The following MARK2 variants were observed in gnomAD, a reference collection of about 807,000 sequenced individuals.
The protein encoded by MARK2 is microtubule affinity regulating kinase 2, also known as serine/threonine-protein kinase MARK2.
In MARK2, 16 loss-of-function variants were observed where a neutral mutation model predicts 89.8. That is an observed-to-expected ratio of 0.18 (90% confidence interval 0.12 to 0.27). The LOEUF (loss-of-function observed/expected upper bound fraction) is 0.27, where lower values mean the gene tolerates loss of function less well. MARK2 is among the 10% of genes least tolerant of loss of function. The pLI is 1.00. For synonymous variants in MARK2, 382 were observed against 399.5 expected, an observed-to-expected ratio of 0.96 and a Z score of 0.52; for missense variants, 621 against 1,049.9, an observed-to-expected ratio of 0.59 and a Z score of 5.65.
At position 63,909,234 on chromosome 11, in the gene MARK2, T is replaced by C. The variant is rs752125871; in HGVS notation, c.2364T>C (p.Leu788=). 6.3e-7 allele frequency: 1 copy of C among 1,584,462 alleles called. No individual in the cohort carries two copies. The highest frequency in any genetic ancestry group is 8.6e-7 in the Non-Finnish European group (1 of 1,156,788). The change falls in exon 19 of 19, where the codon CTT becomes CTC. Residue 788 remains leucine (L), a synonymous_variant. Transcript: ENST00000402010. The part of the protein sequence containing the change: ...IASKIANELK[L] ...CCAAAATAGCCAACGAGCTGAAGCTTTAACAGGCTGCCAGGAGCGGGGGCG... is the reference window on the plus strand; with the variant it reads ...CCAAAATAGCCAACGAGCTGAAGCTCTAACAGGCTGCCAGGAGCGGGGGCG...
At position 63,900,754 on chromosome 11, in the gene MARK2, C is replaced by CTTT; in HGVS notation, c.889-26_889-25insTTT. ...TTTCCAGCTGAGTTTCTTCCCCCTGCCCTTTTCCTTCTCTGTGCTCCCCAG... is the reference window on the plus strand; with the variant it reads ...TTTCCAGCTGAGTTTCTTCCCCCTGCTTTCCTTTTCCTTCTCTGTGCTCCCCAG... On this transcript the variant is annotated intron_variant, in intron 9 of 18. Transcript: ENST00000402010. The surrounding 1 kb of genome is among the most constrained non-coding windows in gnomAD (Gnocchi z 4.7). The CTTT allele has an allele frequency of 6.8e-6, 11 of 1,613,786 alleles. No homozygotes were observed. Among genetic ancestry groups the CTTT allele is most frequent in the Non-Finnish European group, 9.3e-6 (11 of 1,179,680 alleles).
chr11:63,841,443 G>A (rs554668900), intron 1 of MARK2, among the ~76,000 whole-genome samples: 67 of 152,126 alleles, frequency 4.4e-4, no homozygotes, highest in Non-Finnish European at 9.6e-4. Flanking sequence ...CATGGGACAG[G>A]GGTCTTTGGA....
chr11:63,906,831 C>T (rs1362103576), intron 17 of MARK2, among the ~76,000 whole-genome samples: 1 of 151,168 alleles, frequency 6.6e-6, no homozygotes, highest in African/African-American at 2.4e-5. Context: ...ACCCCTGCCC[C>T]AGCACCCCTG....
chr11:63,879,608 C>T (rs1439424348), intron 1 of MARK2, among the ~76,000 whole-genome samples: 1 of 151,840 alleles, frequency 6.6e-6, no homozygotes, highest in African/African-American at 2.4e-5. Flanking sequence ...AGAAAGATAG[C>T]ACCTCTCCCT....
intron 1 of MARK2, among the ~76,000 whole-genome samples, chr11:63,861,480 A>G (rs1937777610): frequency 6.6e-6 from 1 of 152,148 alleles, no homozygotes; most frequent in Admixed American, 6.6e-5. Context: ...TGTTTACTGT[A>G]TTAGTTAAGG....
intron 1 of MARK2, among the ~76,000 whole-genome samples, chr11:63,883,458 C>T (rs1939220121): frequency 1.3e-5 from 2 of 152,066 alleles, no homozygotes; most frequent in Admixed American, 6.6e-5. Context: ...TCCCAGAGCC[C>T]AGAGAACCCT....
At position 63,900,240 on chromosome 11, in the gene MARK2, G is replaced by A; in HGVS notation, c.768+130G>A. On this transcript the variant is annotated intron_variant, in intron 8 of 18. Coordinates refer to ENST00000402010, the MANE Select transcript of MARK2 (RefSeq NM_001039469.3). This position sits in a 1 kb window ranked among gnomAD's most constrained non-coding sequence, Gnocchi z 4.7. ...AAGCTTCAGAGAAGGGCTTGCTGAGGTAGCAGCAGTCAAAGGCCTTCTGCA... is the reference window on the plus strand; with the variant it reads ...AAGCTTCAGAGAAGGGCTTGCTGAGATAGCAGCAGTCAAAGGCCTTCTGCA... The A allele has an allele frequency of 1.3e-6, 1 of 754,716 alleles. No individual in the cohort carries two copies. 46.8% of individuals were successfully genotyped at this position (754,716 alleles called of 1,614,324 possible).
intron 3 of MARK2, among the ~76,000 whole-genome samples, chr11:63,896,834 A>G (rs7105288): frequency 0.6 from 90,609 of 151,838 alleles, 27,534 homozygotes; most frequent in East Asian, 0.93. Context: ...AGCGTGGGGT[A>G]GGCCATTTGG....
chr11:63,866,747 T>C (rs1938156337), intron 1 of MARK2, among the ~76,000 whole-genome samples: 1 of 152,230 alleles, frequency 6.6e-6, no homozygotes, highest in African/African-American at 2.4e-5. Flanking sequence ...TAATTTTCTT[T>C]TGAGGTGATT....
In MARK2 at chr11:63,909,268, G is replaced by T. The variant is rs1375173985; in HGVS notation, c.*31G>T. ...TGCCAGGAGCGGGGGCGGCGGGGGC[G>T]GGCCAGCTGGACGGGCTGCCGGCCG... On this transcript the variant is annotated 3_prime_UTR_variant, in exon 19 of 19. Coordinates refer to ENST00000402010, the MANE Select transcript of MARK2 (RefSeq NM_001039469.3). 1 of 1,543,194 alleles carries T rather than the reference G, an allele frequency of 6.5e-7. No individual in the cohort carries two copies. Among genetic ancestry groups the T allele is most frequent in the East Asian group, 2.3e-5 (1 of 43,484 alleles).
chr11:63,862,551 G>A (rs1202609288), intron 1 of MARK2, among the ~76,000 whole-genome samples: 1 of 152,194 alleles, frequency 6.6e-6, no homozygotes, highest in Non-Finnish European at 1.5e-5. Context: ...CCGAAATGGT[G>A]TGGATGGAGT....
intron 1 of MARK2, among the ~76,000 whole-genome samples, chr11:63,845,344 TG>T (rs1166467928): frequency 6.6e-6 from 1 of 152,028 alleles, no homozygotes; most frequent in Non-Finnish European, 1.5e-5. Flanking sequence ...GTGGAAAGGG[TG>T]GGTGGAGTTT....
chr11:63,874,289 T>G (rs923853838), intron 1 of MARK2, among the ~76,000 whole-genome samples: 12 of 152,228 alleles, frequency 7.9e-5, no homozygotes, highest in South Asian at 2.1e-4. Flanking sequence ...GAAAGTTCTG[T>G]TTTGGCATTT....
chr11:63,895,653 T>C lies in MARK2; in HGVS notation c.288+20T>C. ...CAGAAAGTAAGCACATGGCACCTCCTGTCCCTTTTTTTTTTTTTTTTTTTT... is the reference window on the plus strand; with the variant it reads ...CAGAAAGTAAGCACATGGCACCTCCCGTCCCTTTTTTTTTTTTTTTTTTTT... On this transcript the variant is annotated intron_variant, in intron 3 of 18. Transcript: ENST00000402010. 1.5e-6 allele frequency: 2 copies of C among 1,334,394 alleles called. No homozygotes were observed. The highest frequency in any genetic ancestry group is 2.1e-6 in the Non-Finnish European group (2 of 952,428). The allele number at this position is 1,334,394 out of a possible 1,614,324, so 82.7% of individuals were successfully genotyped here.
chr11:63,882,100 A>G (rs189435006), intron 1 of MARK2, among the ~76,000 whole-genome samples: 237 of 152,326 alleles, frequency 1.6e-3, no homozygotes, highest in Admixed American at 2.8e-3. Flanking sequence ...GGATCACAGG[A>G]AGGCGCATAG....
chr11:63,896,091 C>T (rs1325469656), intron 3 of MARK2, among the ~76,000 whole-genome samples: 1 of 152,220 alleles, frequency 6.6e-6, no homozygotes, highest in Non-Finnish European at 1.5e-5. Context: ...CAACCATTCC[C>T]TCCCATGGCT....
At chr11:63,888,722 C>G (rs1939569490) in intron 1 of MARK2, 7 of 1,192,432 alleles carry the variant, frequency 5.9e-6, no homozygotes, top group Admixed American at 3.6e-5. Context: ...GTTTCGGTTG[C>G]GACACCGTCC....
chr11:63,850,265 C>T (rs1357943030), intron 1 of MARK2, among the ~76,000 whole-genome samples: 1 of 151,758 alleles, frequency 6.6e-6, no homozygotes, highest in East Asian at 1.9e-4. Context: ...TCTCCTGCCT[C>T]AGCCTCCCAA....
intron 1 of MARK2, among the ~76,000 whole-genome samples, chr11:63,878,896 G>T (rs575875315): frequency 6.6e-6 from 1 of 152,300 alleles, no homozygotes; most frequent in South Asian, 2.1e-4. Flanking sequence ...GCTACCATTT[G>T]TAACATGTTT....
Sources: allele counts gnomAD v4.1 joint callset (sites outside exome capture counted in the v4.1 genomes callset), GRCh38; gene constraint gnomAD v4.1.1; non-coding constraint Gnocchi (gnomAD v3.1); transcripts MANE v1.5; gene names NCBI Gene and HGNC (gene_info 2026-07-23, HGNC 2026-07-21).